SYT1: variants seen among roughly 807,000 people sequenced by gnomAD.
SYT1 encodes the protein synaptotagmin 1.
Under a neutral mutation model 44.8 loss-of-function variants are expected in SYT1, and 8 were observed. The observed-to-expected ratio is 0.18, with a 90% CI of 0.10 to 0.32. The LOEUF is 0.32. Among genes scored for constraint, SYT1 ranks in the 10% least tolerant of loss-of-function variants. The pLI, the probability that SYT1 is intolerant of heterozygous loss-of-function variation, is 1.00. For missense variants in SYT1, 286 were observed against 509.3 expected, an observed-to-expected ratio of 0.56 and a Z score of 4.22; for synonymous variants, 154 against 188.8, an observed-to-expected ratio of 0.82 and a Z score of 1.51.
chr12:79,010,297 G>GA, intron 2 of SYT1, among the ~76,000 whole-genome samples: 1 of 152,202 alleles, frequency 6.6e-6, no homozygotes, highest in Middle Eastern at 3.4e-3. Flanking sequence ...GCTTCTCTCA[G>GA]AAAATAAAAG....
At chr12:79,030,038 CA>C (rs771123109) in intron 2 of SYT1, among the ~76,000 whole-genome samples, 1 of 151,002 alleles carries the variant, frequency 6.6e-6, no homozygotes, top group Non-Finnish European at 1.5e-5. Flanking sequence ...TGATGAATTT[CA>C]GTATTAAATA....
intron 1 of SYT1, among the ~76,000 whole-genome samples, chr12:78,929,346 G>A (rs1004430198): frequency 3.8e-5 from 5 of 131,370 alleles, no homozygotes; most frequent in African/African-American, 1.4e-4. Flanking sequence ...AGGTTTCAAT[G>A]AGTGGAGATT....
At position 79,339,800 on chromosome 12, in the gene SYT1, T is replaced by C. The variant is rs1167677609; in HGVS notation, c.811-13702T>C. On this transcript the variant is annotated intron_variant, in intron 8 of 10. Coordinates refer to ENST00000261205, the MANE Select transcript of SYT1 (RefSeq NM_005639.3). Reference sequence around the variant, plus strand: ...TTTTCTTCTAGGGATTTTATGGTTTTAGGTCTAACATTTAAGTCTTTAATG... The same window carrying C: ...TTTTCTTCTAGGGATTTTATGGTTTCAGGTCTAACATTTAAGTCTTTAATG... 2.6e-5 allele frequency among the ~76,000 whole-genome samples: 4 copies of C among 152,370 alleles called. No homozygotes were observed. In the South Asian group the frequency reaches 8.3e-4, roughly 32 times the overall value.
chr12:79,303,741 G>T (rs1258841186), intron 8 of SYT1, among the ~76,000 whole-genome samples: 1 of 152,158 alleles, frequency 6.6e-6, no homozygotes, highest in Non-Finnish European at 1.5e-5. Flanking sequence ...AGCATGTGAA[G>T]AATACATATT....
At chr12:78,975,231 C>T (rs531357173) in intron 1 of SYT1, among the ~76,000 whole-genome samples, 36 of 151,986 alleles carry the variant, frequency 2.4e-4, no homozygotes, top group Middle Eastern at 6.8e-3. Context: ...CTTTACCTAT[C>T]CTTTGGGAAC....
At chr12:79,072,936 C>T (rs957949740) in intron 3 of SYT1, among the ~76,000 whole-genome samples, 15 of 151,788 alleles carry the variant, frequency 9.9e-5, no homozygotes, top group Admixed American at 2.0e-4. Flanking sequence ...GGAAGGGAAA[C>T]GGGATGAATA....
rs10646738 is a variant in SYT1, at chr12:78,929,409, C to CAAAAAAAAAAAAAAAAAAAAAAAAAAA, written c.-216-48379_-216-48353dup. ...TGGGTGACAGAGAGAGACTCCGTCC[C>CAAAAAAAAAAAAAAAAAAAAAAAAAAA]AAAAAAAAAAAAAAAAAAAAAAAAA... is the stretch of plus-strand genomic sequence containing the variant. On this transcript the variant is annotated intron_variant, in intron 1 of 10. Coordinates refer to ENST00000261205, the MANE Select transcript of SYT1 (RefSeq NM_005639.3). Among the ~76,000 whole-genome samples the CAAAAAAAAAAAAAAAAAAAAAAAAAAA allele has an allele frequency of 1.9e-3, 84 of 43,788 alleles. 41 individuals are homozygous for CAAAAAAAAAAAAAAAAAAAAAAAAAAA. The highest frequency in any genetic ancestry group is 2.1e-3 in the East Asian group (2 of 940). The allele number at this position is 43,788 out of a possible 152,430, so 28.7% of individuals were successfully genotyped here. A position where few individuals can be genotyped will look rare whatever the true frequency, so the allele number is the denominator to read the frequency against.
At chr12:79,136,652 A>G (rs560878159) in intron 3 of SYT1, among the ~76,000 whole-genome samples, 46 of 152,318 alleles carry the variant, frequency 3.0e-4, no homozygotes, top group South Asian at 2.7e-3. Context: ...TTCACTTTTA[A>G]CATGTTACCT....
chr12:79,438,274 A>C (rs905938933), intron 9 of SYT1, among the ~76,000 whole-genome samples: 1 of 152,194 alleles, frequency 6.6e-6, no homozygotes, highest in Non-Finnish European at 1.5e-5. Flanking sequence ...GGCCAAAAAA[A>C]AGATGGCAGA....
intron 9 of SYT1, among the ~76,000 whole-genome samples, chr12:79,396,417 T>A (rs372128875): frequency 1.3e-5 from 2 of 152,204 alleles, no homozygotes; most frequent in South Asian, 4.1e-4. Context: ...TACATCAGAA[T>A]CACCTTAGTG....
chr12:79,058,660 C>T (rs1486487457), intron 3 of SYT1, among the ~76,000 whole-genome samples: 1 of 152,010 alleles, frequency 6.6e-6, no homozygotes, highest in Non-Finnish European at 1.5e-5. Flanking sequence ...ACTTCCCGAC[C>T]CCCACACCAC....
At chr12:79,182,171 C>T (rs1178254761) in intron 3 of SYT1, among the ~76,000 whole-genome samples, 1 of 152,008 alleles carries the variant, frequency 6.6e-6, no homozygotes, top group Non-Finnish European at 1.5e-5. Flanking sequence ...ATCCAGCTTC[C>T]ACTTCATAAT....
chr12:78,994,273 A>T (rs1369225210), intron 2 of SYT1, among the ~76,000 whole-genome samples: 2 of 152,124 alleles, frequency 1.3e-5, no homozygotes, highest in Admixed American at 1.3e-4. Flanking sequence ...TATCATTTCA[A>T]TTGCACCAAC....
At chr12:79,424,344 C>G (rs576212038) in intron 9 of SYT1, among the ~76,000 whole-genome samples, 1 of 152,090 alleles carries the variant, frequency 6.6e-6, no homozygotes, top group African/African-American at 2.4e-5. Flanking sequence ...CTGAAAGTGC[C>G]TTTACAAACA....
chr12:79,112,524 A>G (rs1317019663), intron 3 of SYT1, among the ~76,000 whole-genome samples: 2 of 152,120 alleles, frequency 1.3e-5, no homozygotes, highest in Admixed American at 6.6e-5. Context: ...GGTGGGGTTT[A>G]TAAAGATTGA....
At chr12:78,926,818 T>C (rs1877330226) in intron 1 of SYT1, 1 of 152,154 alleles carries the variant, frequency 6.6e-6, no homozygotes, top group Non-Finnish European at 1.5e-5. Context: ...TTTGTCCATA[T>C]CTTAATAGCA....
At chr12:79,014,458 A>G (rs1014444854) in intron 2 of SYT1, among the ~76,000 whole-genome samples, 6 of 152,216 alleles carry the variant, frequency 3.9e-5, no homozygotes, top group Non-Finnish European at 7.3e-5. Context: ...ATCACATGAA[A>G]AAATGCTCAC....
chr12:79,167,118 A>G (rs1020694173), intron 3 of SYT1, among the ~76,000 whole-genome samples: 2 of 152,038 alleles, frequency 1.3e-5, no homozygotes, highest in African/African-American at 4.8e-5. Context: ...TGAAAAATCT[A>G]TGTAGAAAGG....
chr12:79,008,695 G>A (rs1871238610), intron 2 of SYT1, among the ~76,000 whole-genome samples: 2 of 152,062 alleles, frequency 1.3e-5, no homozygotes, highest in Non-Finnish European at 2.9e-5. Flanking sequence ...CCAGGATCCT[G>A]GAATCAGCAG....
Sources: allele counts gnomAD v4.1 joint callset (sites outside exome capture counted in the v4.1 genomes callset), GRCh38; gene constraint gnomAD v4.1.1; transcripts MANE v1.5; gene names NCBI Gene and HGNC (gene_info 2026-07-23, HGNC 2026-07-21).